The following ETFA variants were observed in gnomAD, a reference collection of about 807,000 sequenced individuals.
ETFA encodes electron transfer flavoprotein subunit alpha, mitochondrial.
In ETFA, 22 loss-of-function variants were observed where a neutral mutation model predicts 46.2. The observed-to-expected ratio is 0.48, with a 90% confidence interval of 0.34 to 0.68. The LOEUF (loss-of-function observed/expected upper bound fraction) is 0.68, where lower values mean the gene tolerates loss of function less well. Among genes scored for constraint, ETFA ranks in the 30% least tolerant of loss-of-function variants. The pLI is 0.01. For synonymous variants in ETFA, 131 were observed against 139.9 expected, an observed-to-expected ratio of 0.94 and a Z score of 0.45; for missense variants, 345 against 401.1, an observed-to-expected ratio of 0.86 and a Z score of 1.19.
At chr15:76,276,230 A>G (rs2039590073) in intron 8 of ETFA, among the ~76,000 whole-genome samples, 1 of 152,116 alleles carries the variant, frequency 6.6e-6, no homozygotes, top group African/African-American at 2.4e-5. Flanking sequence ...ATAAAATCCT[A>G]CATTGGTGAG....
At chr15:76,277,454 G>T (rs1393895902) in intron 8 of ETFA, among the ~76,000 whole-genome samples, 1 of 151,684 alleles carries the variant, frequency 6.6e-6, no homozygotes, top group African/African-American at 2.4e-5. Flanking sequence ...TCACAAAAAT[G>T]TTGGGACCTC....
At chr15:76,298,757 T>G (rs915359599) in intron 1 of ETFA, among the ~76,000 whole-genome samples, 3 of 152,108 alleles carry the variant, frequency 2.0e-5, no homozygotes, top group African/African-American at 7.2e-5. Context: ...AAGATTGCAC[T>G]TGGCAAACAT....
At chr15:76,296,426 A>C (rs768013402) in intron 1 of ETFA, among the ~76,000 whole-genome samples, 1 of 152,192 alleles carries the variant, frequency 6.6e-6, no homozygotes, top group Non-Finnish European at 1.5e-5. Context: ...AACTGGTCAA[A>C]TTCTACTACC....
intron 1 of ETFA, among the ~76,000 whole-genome samples, chr15:76,305,049 AAAAGAAAG>A (rs532586716): frequency 6.6e-6 from 1 of 150,672 alleles, no homozygotes; most frequent in African/African-American, 2.5e-5. Context: ...TCAAAAAAAA[AAAAGAAAG>A]AAAGAAAGAA....
At chr15:76,282,147 G>A (rs2039660922) in intron 8 of ETFA, among the ~76,000 whole-genome samples, 2 of 151,882 alleles carry the variant, frequency 1.3e-5, no homozygotes, top group South Asian at 2.1e-4. Flanking sequence ...CAGGTGATCC[G>A]CCCACCCTGG....
chr15:76,253,856 A>G (rs1567204340), intron 9 of ETFA, among the ~76,000 whole-genome samples: 2 of 152,234 alleles, frequency 1.3e-5, no homozygotes, highest in Non-Finnish European at 1.5e-5. Context: ...TCAGAGCACA[A>G]GTGAAGTAAT....
intron 9 of ETFA, among the ~76,000 whole-genome samples, chr15:76,257,609 GCGATTC>G (rs2039357800): frequency 6.6e-6 from 1 of 151,986 alleles, no homozygotes; most frequent in Non-Finnish European, 1.5e-5. Flanking sequence ...AGTCAGTGTG[GCGATTC>G]CTCAGGGATC....
At chr15:76,266,537 G>A (rs568543992) in intron 9 of ETFA, among the ~76,000 whole-genome samples, 181 of 152,258 alleles carry the variant, frequency 1.2e-3, no homozygotes, top group African/African-American at 3.2e-3. Flanking sequence ...TATAGCCCCC[G>A]ATAAAATCCA....
At chr15:76,272,041 T>C (rs1751418911) in intron 9 of ETFA, among the ~76,000 whole-genome samples, 1 of 152,076 alleles carries the variant, frequency 6.6e-6, no homozygotes, top group Non-Finnish European at 1.5e-5. Context: ...TTTCGATGGT[T>C]CTATATCCAT....
intron 10 of ETFA, chr15:76,231,083 C>A (rs1430770490): frequency 3.4e-5 from 16 of 468,898 alleles, no homozygotes; most frequent in Non-Finnish European, 3.8e-6. Flanking sequence ...TTGCAGACAG[C>A]ACTCATCATG....
intron 11 of ETFA, among the ~76,000 whole-genome samples, chr15:76,225,086 T>C (rs1056962886): frequency 3.9e-5 from 6 of 152,092 alleles, no homozygotes; most frequent in African/African-American, 7.2e-5. Flanking sequence ...AGCATTCCTA[T>C]TGAGACAGAT....
chr15:76,306,267 C>CTTTTTTTTTTTT (rs35290919), intron 1 of ETFA, among the ~76,000 whole-genome samples: 2,056 of 109,136 alleles, frequency 0.019, 137 homozygotes, highest in South Asian at 0.026. Context: ...TTTTTTGCTT[C>CTTTTTTTTTTTT]TTTTTTTTTT....
intron 9 of ETFA, among the ~76,000 whole-genome samples, chr15:76,243,311 G>A (rs1254794870): frequency 2.0e-5 from 3 of 151,040 alleles, no homozygotes; most frequent in Non-Finnish European, 2.9e-5. Flanking sequence ...TCGTTAAAAC[G>A]GCAAATTTTA....
chr15:76,285,494 T>C, intron 7 of ETFA, 143 bp downstream of exon 7: 3 of 622,626 alleles, frequency 4.8e-6, no homozygotes, highest in Non-Finnish European at 8.7e-6. Context: ...TTTTCCTAAT[T>C]GGTTAAATGG....
chr15:76,274,368 A>T (rs746198777), intron 9 of ETFA, 44 bp downstream of exon 9: 1 of 1,388,210 alleles, frequency 7.2e-7, no homozygotes, highest in South Asian at 1.2e-5. Flanking sequence ...TACAGTACTT[A>T]TCCCCATAAC....
At chr15:76,303,363 C>T (rs1228440321) in intron 1 of ETFA, among the ~76,000 whole-genome samples, 5 of 151,966 alleles carry the variant, frequency 3.3e-5, no homozygotes, top group Non-Finnish European at 7.4e-5. Flanking sequence ...TATAAAAACC[C>T]AAGAAGAAAA....
intron 4 of ETFA, 90 bp from the exon 5 acceptor site, chr15:76,288,035 C>T (rs1283028840): frequency 2.4e-6 from 2 of 841,768 alleles, no homozygotes; most frequent in Non-Finnish European, 4.1e-6. Flanking sequence ...AATGCATATT[C>T]TGTAGAAATT....
chr15:76,246,689 C>T (rs1474053135), intron 9 of ETFA, among the ~76,000 whole-genome samples: 20 of 151,780 alleles, frequency 1.3e-4, no homozygotes, highest in African/African-American at 4.8e-4. Flanking sequence ...AAAAATTAGC[C>T]GGGCGTGGTG....
At chr15:76,232,948 G>A (rs2039084816) in intron 9 of ETFA, among the ~76,000 whole-genome samples, 1 of 152,136 alleles carries the variant, frequency 6.6e-6, no homozygotes, top group South Asian at 2.1e-4. Context: ...ACTGCTCCTA[G>A]AGCAGCACCA....
Sources: gnomAD v4.1 joint callset for allele counts (sites outside exome capture counted in the v4.1 genomes callset) on GRCh38, gnomAD v4.1.1 for gene constraint, MANE v1.5 for transcripts, NCBI Gene and HGNC (gene_info 2026-07-23, HGNC 2026-07-21) for gene names.